Variants in MIGA1 observed in about 807,000 individuals in gnomAD.
MIGA1 encodes the protein mitoguardin 1, also known as family with sequence similarity 73, member A.
A neutral mutation model predicts 82.0 loss-of-function variants in MIGA1; 58 were observed. The observed-to-expected ratio is 0.71, with a 90% CI of 0.57 to 0.88. The LOEUF (loss-of-function observed/expected upper bound fraction) is 0.88. Ranked by LOEUF, MIGA1 falls within the 40% of genes least tolerant of loss-of-function variation. MIGA1 has a pLI of 0.00. For synonymous variants in MIGA1, 249 were observed against 253.6 expected (o/e 0.98, Z 0.17); for missense variants, 751 against 749.1 (o/e 1.00, Z -0.03).
chr1:77,821,361 C>T (rs1683800578), intron 7 of MIGA1, among the ~76,000 whole-genome samples: 1 of 151,226 alleles, frequency 6.6e-6, no homozygotes, highest in African/African-American at 2.4e-5. Flanking sequence ...AGTTCTGAGT[C>T]ATCATTCTGA....
At chr1:77,849,672 T>C (rs905284622) in intron 8 of MIGA1, among the ~76,000 whole-genome samples, 14 of 152,176 alleles carry the variant, frequency 9.2e-5, no homozygotes, top group African/African-American at 3.4e-4. Context: ...CAAAGATGAA[T>C]ATTTAGGATA....
chr1:77,787,264 C>G (rs1682204379), intron 2 of MIGA1, among the ~76,000 whole-genome samples: 1 of 152,138 alleles, frequency 6.6e-6, no homozygotes, highest in Non-Finnish European at 1.5e-5. Flanking sequence ...CAAACCATAT[C>G]AAAGGTAGTA....
chr1:77,827,565 T>G (rs1684081348), intron 7 of MIGA1, among the ~76,000 whole-genome samples: 1 of 152,136 alleles, frequency 6.6e-6, no homozygotes, highest in African/African-American at 2.4e-5. Context: ...TGCGTAGAGA[T>G]TCCCTGCCTG....
chr1:77,858,674 A>C (rs1255611739), intron 8 of MIGA1, among the ~76,000 whole-genome samples: 1 of 152,108 alleles, frequency 6.6e-6, no homozygotes, highest in African/African-American at 2.4e-5. Context: ...GCTGGAGTGC[A>C]GTGATACAAT....
rs1053310267 is a variant in MIGA1 at position 77,877,745 on chromosome 1, A to T, written c.*2681A>T. On this transcript the variant is annotated 3_prime_UTR_variant, in exon 16 of 16. Transcript: ENST00000370791. ...AATTGCACTATTTGATAATGCTGCT[A>T]CTACATGAGATAACTCTGGGGAATT... 6.5e-6 allele frequency: 1 copy of T among 152,690 alleles called. No individual in the cohort carries two copies. The highest frequency in any genetic ancestry group is 2.4e-5 in the African/African-American group (1 of 41,476). The allele number at this position is 152,690 out of a possible 1,614,324, so 9.5% of individuals were successfully genotyped here. A position where few individuals can be genotyped will look rare whatever the true frequency, so the allele number is the denominator to read the frequency against.
chr1:77,807,962 G>T (rs753283323), intron 5 of MIGA1, among the ~76,000 whole-genome samples: 1 of 152,052 alleles, frequency 6.6e-6, no homozygotes, highest in Non-Finnish European at 1.5e-5. Context: ...GGGCTTACAG[G>T]TGTGCATCAC....
rs1681829819 is a variant in MIGA1, at chr1:77,779,982, A to G, written c.81+246A>G. 1.5e-5 allele frequency: 19 copies of G among 1,275,266 alleles called. No homozygotes were observed. The South Asian group carries it at 3.4e-4, about 23-fold the overall frequency. The allele number at this position is 1,275,266 out of a possible 1,614,324, so 79.0% of individuals were successfully genotyped here. ...GGTCGGGCCTGGTTAGTACTTGCAT[A>G]GGAAAGCAGGAGGGTCCCCACGCCA... On this transcript the variant is annotated intron_variant, in intron 1 of 15. Coordinates refer to ENST00000370791, the MANE Select transcript of MIGA1 (RefSeq NM_198549.4).
chr1:77,810,924 T>A, intron 5 of MIGA1: 1 of 1,612,022 alleles, frequency 6.2e-7, no homozygotes, highest in South Asian at 1.1e-5. Flanking sequence ...ATAATTGCAA[T>A]TTCTTTCTTT....
intron 1 of MIGA1, chr1:77,782,844 T>C: frequency 1.0e-6 from 1 of 984,660 alleles, no homozygotes; most frequent in Non-Finnish European, 1.2e-6. Context: ...CCACCTACTC[T>C]CACCCCCGCA....
intron 14 of MIGA1, among the ~76,000 whole-genome samples, chr1:77,867,608 G>T (rs1000000914): frequency 6.6e-6 from 1 of 152,178 alleles, no homozygotes; most frequent in African/African-American, 2.4e-5. Flanking sequence ...GATTACAGGC[G>T]TGAGCCACTG....
chr1:77,845,930 G>C (rs894904717), intron 8 of MIGA1, among the ~76,000 whole-genome samples: 1 of 150,802 alleles, frequency 6.6e-6, no homozygotes, highest in Non-Finnish European at 1.5e-5. Flanking sequence ...CATTGGTTTG[G>C]AACCACGGAT....
chr1:77,836,667 T>C (rs1178867571), intron 7 of MIGA1, among the ~76,000 whole-genome samples: 1 of 152,186 alleles, frequency 6.6e-6, no homozygotes, highest in Non-Finnish European at 1.5e-5. Flanking sequence ...TTTACGTAGG[T>C]GGTAAGTAGC....
intron 7 of MIGA1, among the ~76,000 whole-genome samples, chr1:77,818,210 G>A (rs1435670688): frequency 2.4e-4 from 36 of 149,664 alleles, no homozygotes; most frequent in African/African-American, 7.4e-5. Flanking sequence ...CGCAACCTCC[G>A]CCTCCCAGGT....
intron 7 of MIGA1, among the ~76,000 whole-genome samples, chr1:77,822,983 T>C (rs766948842): frequency 1.3e-5 from 2 of 151,872 alleles, no homozygotes; most frequent in Non-Finnish European, 2.9e-5. Context: ...GTTGGTATTA[T>C]AGGCGTGTGC....
At chr1:77,840,482 G>A (rs924258704) in intron 7 of MIGA1, among the ~76,000 whole-genome samples, 1 of 152,088 alleles carries the variant, frequency 6.6e-6, no homozygotes, top group Non-Finnish European at 1.5e-5. Flanking sequence ...AAGCCATATG[G>A]AAACAAGAGT....
At chr1:77,792,309 A>G (rs1245730377) in intron 2 of MIGA1, among the ~76,000 whole-genome samples, 2 of 152,164 alleles carry the variant, frequency 1.3e-5, no homozygotes, top group Non-Finnish European at 2.9e-5. Context: ...CTGCTGAGTT[A>G]CAGATTATCA....
chr1:77,826,860 A>C lies in MIGA1; in HGVS notation c.895+11629A>C, dbSNP rs575418247. Among the ~76,000 whole-genome samples the C allele has an allele frequency of 2.9e-4, 44 of 151,748 alleles. 1 individual carries two copies. Among genetic ancestry groups the C allele is most frequent in the Admixed American group, 3.9e-4 (6 of 15,228 alleles). ...TGTTCTGTTGCCCAGGCTGGAGTGC[A>C]GTGGCACATTCTTGGCTCACTGCAA... On this transcript the variant is annotated intron_variant, in intron 7 of 15. Transcript: ENST00000370791.
At chr1:77,827,613 G>A (rs1448466345) in intron 7 of MIGA1, among the ~76,000 whole-genome samples, 2 of 152,216 alleles carry the variant, frequency 1.3e-5, no homozygotes, top group Non-Finnish European at 2.9e-5. Context: ...CAGCTCAGAA[G>A]GAGTGAGATC....
intron 7 of MIGA1, among the ~76,000 whole-genome samples, chr1:77,839,541 T>C (rs755213763): frequency 6.6e-6 from 1 of 152,096 alleles, no homozygotes; most frequent in Admixed American, 6.6e-5. Context: ...CTGCTAACTT[T>C]TTAAATTTTT....
Sources: allele counts gnomAD v4.1 joint callset (sites outside exome capture counted in the v4.1 genomes callset), GRCh38; gene constraint gnomAD v4.1.1; transcripts MANE v1.5; gene names NCBI Gene and HGNC (gene_info 2026-07-23, HGNC 2026-07-21).